The following ENTHD1 variants were observed in gnomAD, a reference collection of about 807,000 sequenced individuals.
ENTHD1 encodes the protein ENTH domain containing 1.
A neutral mutation model predicts 39.1 loss-of-function variants in ENTHD1; 23 were observed. The observed-to-expected ratio is 0.59, with a 90% CI of 0.42 to 0.83. The LOEUF (loss-of-function observed/expected upper bound fraction) is 0.83, where lower values mean the gene tolerates loss of function less well. ENTHD1 is among the 40% of genes least tolerant of loss of function. The pLI is 0.00. For synonymous variants in ENTHD1, 230 were observed against 258.2 expected (o/e 0.89, Z 1.05); for missense variants, 624 against 705.4 (o/e 0.88, Z 1.31).
chr22:39,860,730 T>G (rs1273050586), intron 3 of ENTHD1, among the ~76,000 whole-genome samples: 1 of 152,250 alleles, frequency 6.6e-6, no homozygotes, highest in African/African-American at 2.4e-5. Context: ...GGGACAGTTC[T>G]CTAAGTCACA....
At chr22:39,768,267 A>C (rs1489223746) in intron 5 of ENTHD1, among the ~76,000 whole-genome samples, 1 of 152,108 alleles carries the variant, frequency 6.6e-6, no homozygotes, top group Non-Finnish European at 1.5e-5. Flanking sequence ...AGAAAGTCCA[A>C]ATTCCTTGGG....
intron 5 of ENTHD1, among the ~76,000 whole-genome samples, chr22:39,766,443 C>T (rs1274331771): frequency 6.6e-6 from 1 of 152,138 alleles, no homozygotes; most frequent in African/African-American, 2.4e-5. Context: ...GATGCAAATT[C>T]TTAGGAACAC....
intron 4 of ENTHD1, among the ~76,000 whole-genome samples, chr22:39,825,520 G>A (rs1484006155): frequency 5.3e-5 from 8 of 151,994 alleles, no homozygotes; most frequent in Admixed American, 2.6e-4. Flanking sequence ...TAAAACTGCT[G>A]TTAATTCTTC....
chr22:39,798,542 A>C (rs1212531776), intron 5 of ENTHD1, among the ~76,000 whole-genome samples: 1 of 151,986 alleles, frequency 6.6e-6, no homozygotes, highest in African/African-American at 2.4e-5. Flanking sequence ...TCAGTGGCTT[A>C]GGCTGTGGTT....
chr22:39,868,860 A>G (rs984035021), intron 2 of ENTHD1, among the ~76,000 whole-genome samples: 1 of 152,196 alleles, frequency 6.6e-6, no homozygotes, highest in African/African-American at 2.4e-5. Flanking sequence ...CAAAAAACAC[A>G]CAGAAAAAAT....
chr22:39,821,102 T>C lies in ENTHD1; in HGVS notation c.723A>G (p.Thr241=). Residue 241 remains threonine (T), a synonymous_variant, in exon 5 of 7, where the codon ACA becomes ACG. Coordinates refer to ENST00000325157, the MANE Select transcript of ENTHD1 (RefSeq NM_152512.4). ...GCAGCTCTGGATCATCATCCAAAAA[T>C]GTCATCAGGTCCTGACAGAAAACAC... The part of the protein sequence containing the change: ...HGWKSTEDLM[T]FLDDDPELPL... The C allele has an allele frequency of 6.2e-7, 1 of 1,613,972 alleles. No homozygotes were observed. The highest frequency in any genetic ancestry group is 1.1e-5 in the South Asian group (1 of 91,072).
rs964294305 is a variant in ENTHD1 at position 39,786,887 on chromosome 22, A to C, written c.833-21278T>G. On this transcript the variant is annotated intron_variant, in intron 5 of 6. Transcript: ENST00000325157. ...GACAGGATTTTTTTAAAAAGACTGAATAGTATTCCATTACACACGTGCATG... is the reference window on the plus strand; with the variant it reads ...GACAGGATTTTTTTAAAAAGACTGACTAGTATTCCATTACACACGTGCATG... Among the ~76,000 whole-genome samples, 3 of 152,364 alleles carry C rather than the reference A, an allele frequency of 2.0e-5. No individual in the cohort carries two copies. The South Asian group carries it at 6.2e-4, about 32-fold the overall frequency.
At chr22:39,787,911 T>C (rs2065472792) in intron 5 of ENTHD1, among the ~76,000 whole-genome samples, 1 of 152,240 alleles carries the variant, frequency 6.6e-6, no homozygotes, top group East Asian at 1.9e-4. Context: ...TGGCAAAAGA[T>C]GCAACTGGTA....
intron 4 of ENTHD1, among the ~76,000 whole-genome samples, chr22:39,829,804 A>ATAAAT (rs1225004774): frequency 6.6e-6 from 1 of 151,120 alleles, no homozygotes; most frequent in Non-Finnish European, 1.5e-5. Context: ...AAATAAATAA[A>ATAAAT]TAAATAAATA....
intron 3 of ENTHD1, among the ~76,000 whole-genome samples, chr22:39,860,498 A>G (rs776892295): frequency 4.6e-5 from 7 of 152,230 alleles, no homozygotes; most frequent in African/African-American, 7.2e-5. Context: ...AGTATTTGCT[A>G]CTATAATTAC....
At chr22:39,834,677 TATTCAC>T (rs1242950785) in intron 4 of ENTHD1, among the ~76,000 whole-genome samples, 2 of 152,090 alleles carry the variant, frequency 1.3e-5, no homozygotes, top group Non-Finnish European at 2.9e-5. Context: ...TGTACACAAA[TATTCAC>T]AGCAACTTTA....
At chr22:39,847,080 T>C (rs555457553) in intron 3 of ENTHD1, among the ~76,000 whole-genome samples, 5 of 152,186 alleles carry the variant, frequency 3.3e-5, no homozygotes, top group South Asian at 2.1e-4. Context: ...CGTATGTTTA[T>C]TGCGTCACTA....
intron 6 of ENTHD1, among the ~76,000 whole-genome samples, chr22:39,744,694 AT>A (rs1569120726): frequency 6.6e-6 from 1 of 151,956 alleles, no homozygotes; most frequent in African/African-American, 2.4e-5. Context: ...CAACTTTTTA[AT>A]TTTTTTTCCT....
intron 5 of ENTHD1, among the ~76,000 whole-genome samples, chr22:39,792,003 C>A (rs2065508198): frequency 6.6e-6 from 1 of 151,998 alleles, no homozygotes; most frequent in Non-Finnish European, 1.5e-5. Context: ...TTTTCTGTTC[C>A]TGCATTAGTT....
chr22:39,861,541 A>AAAATAAAT (rs60678079), intron 3 of ENTHD1, among the ~76,000 whole-genome samples: 4 of 152,080 alleles, frequency 2.6e-5, no homozygotes, highest in African/African-American at 7.3e-5. Flanking sequence ...TTCCGTCTCA[A>AAAATAAAT]AAATAAATAA....
intron 6 of ENTHD1, among the ~76,000 whole-genome samples, chr22:39,745,235 TATG>T (rs760069656): frequency 6.6e-6 from 1 of 152,224 alleles, no homozygotes; most frequent in African/African-American, 2.4e-5. Flanking sequence ...TACATTCACT[TATG>T]ATATGTGATA....
In ENTHD1 at chr22:39,869,121, T is replaced by G. The variant is rs117645370; in HGVS notation, c.350-7114A>C. On this transcript the variant is annotated intron_variant, in intron 2 of 6. Coordinates refer to ENST00000325157, the MANE Select transcript of ENTHD1 (RefSeq NM_152512.4). ...CAGCAATCCCATTACTAGGTATATATCCAAAAGGAAATACATAATTCTGCC... is the reference window on the plus strand; with the variant it reads ...CAGCAATCCCATTACTAGGTATATAGCCAAAAGGAAATACATAATTCTGCC... Among the ~76,000 whole-genome samples, 22 of 152,260 alleles carry G rather than the reference T, an allele frequency of 1.4e-4. No individual in the cohort carries two copies. In the East Asian group the frequency reaches 3.3e-3, roughly 23 times the overall value.
intron 5 of ENTHD1, among the ~76,000 whole-genome samples, chr22:39,801,535 A>T (rs988936153): frequency 6.6e-6 from 1 of 152,268 alleles, no homozygotes; most frequent in Non-Finnish European, 1.5e-5. Flanking sequence ...GAACATTTGC[A>T]TGAGCGTAAT....
chr22:39,799,465 T>C (rs148988728), intron 5 of ENTHD1, among the ~76,000 whole-genome samples: 1 of 152,112 alleles, frequency 6.6e-6, no homozygotes, highest in East Asian at 1.9e-4. Flanking sequence ...AAAAAGTAGG[T>C]ACACAGACAC....
Sources: gnomAD v4.1 joint callset for allele counts (sites outside exome capture counted in the v4.1 genomes callset) on GRCh38, gnomAD v4.1.1 for gene constraint, MANE v1.5 for transcripts, NCBI Gene and HGNC (gene_info 2026-07-23, HGNC 2026-07-21) for gene names.